Variants in ZNF44 observed in about 807,000 individuals in gnomAD.
ZNF44 encodes zinc finger protein 44, also known as gonadotropin inducible transcription repressor-2.
A neutral mutation model predicts 11.7 loss-of-function variants in ZNF44; 9 were observed. That is an observed-to-expected ratio of 0.77 (90% confidence interval 0.46 to 1.35). The LOEUF (loss-of-function observed/expected upper bound fraction) is 1.35. Ranked by LOEUF, ZNF44 falls within the 40% of genes most tolerant of loss-of-function variation. ZNF44 has a pLI of 0.00. For synonymous variants in ZNF44, 224 were observed against 242.7 expected, an observed-to-expected ratio of 0.92 and a Z score of 0.72; for missense variants, 696 against 743.1, an observed-to-expected ratio of 0.94 and a Z score of 0.74.
intron 1 of ZNF44, among the ~76,000 whole-genome samples, chr19:12,286,260 T>C (rs1239587564): frequency 6.6e-6 from 1 of 152,204 alleles, no homozygotes; most frequent in African/African-American, 2.4e-5. Flanking sequence ...TTTAGTGATA[T>C]CTTTTTGCAT....
intron 1 of ZNF44, among the ~76,000 whole-genome samples, chr19:12,285,416 C>T (rs1356833136): frequency 2.0e-5 from 3 of 152,000 alleles, no homozygotes; most frequent in Admixed American, 1.3e-4. Flanking sequence ...CCACCACGTC[C>T]GGATATTTTG....
downstream of ZNF44, among the ~76,000 whole-genome samples, chr19:12,245,791 T>C (rs1332232328): frequency 1.3e-5 from 2 of 152,170 alleles, no homozygotes; most frequent in Admixed American, 1.3e-4. Context: ...CTAGAATCTT[T>C]TTTTTTTCCA....
chr19:12,279,211 T>C (rs531632758), intron 1 of ZNF44, among the ~76,000 whole-genome samples: 20 of 152,236 alleles, frequency 1.3e-4, no homozygotes, highest in Admixed American at 3.9e-4. Flanking sequence ...TGCAAACTAA[T>C]TTGGAAATGT....
At chr19:12,250,223 G>A (rs1388310143) in intron 6 of ZNF44, 36 of 1,351,158 alleles carry the variant, frequency 2.7e-5, no homozygotes, top group Non-Finnish European at 3.4e-5. Context: ...ACAACATGAT[G>A]GAATGATTTC....
At chr19:12,264,497 A>G (rs957567586) in intron 5 of ZNF44, among the ~76,000 whole-genome samples, 12 of 152,108 alleles carry the variant, frequency 7.9e-5, no homozygotes, top group Admixed American at 2.6e-4. Flanking sequence ...AATCACTCAA[A>G]CCAAGTATTT....
chr19:12,284,414 C>T (rs528618786), intron 1 of ZNF44: 59 of 628,472 alleles, frequency 9.4e-5, no homozygotes, highest in South Asian at 2.4e-4. Context: ...GTGGCTTCCG[C>T]GGAGATTTCG....
intron 5 of ZNF44, among the ~76,000 whole-genome samples, chr19:12,257,126 A>C (rs1181291975): frequency 6.6e-6 from 1 of 152,218 alleles, no homozygotes; most frequent in Non-Finnish European, 1.5e-5. Flanking sequence ...TAGAAACCAG[A>C]TAAAGGTGGA....
At chr19:12,261,042 T>C (rs1354571805) in intron 5 of ZNF44, among the ~76,000 whole-genome samples, 1 of 152,176 alleles carries the variant, frequency 6.6e-6, no homozygotes, top group African/African-American at 2.4e-5. Context: ...ATTACTCCCA[T>C]GACTGACGTC....
chr19:12,247,380 C>T, downstream of ZNF44: 5 of 1,303,190 alleles, frequency 3.8e-6, no homozygotes, highest in Non-Finnish European at 5.0e-6. Context: ...AGTGTGCATT[C>T]TCATGTGCAC....
chr19:12,293,521 A>C, intron 1 of ZNF44: 1 of 711,914 alleles, frequency 1.4e-6, no homozygotes, highest in Non-Finnish European at 2.2e-6. Context: ...TCTTCCTCAC[A>C]TGTGAAATGT....
At position 12,273,344 on chromosome 19, in the gene ZNF44, G is replaced by T. The variant is rs1252270930; in HGVS notation, c.911C>A (p.Thr304Asn). The T allele has an allele frequency of 2.5e-6, 4 of 1,613,488 alleles. No homozygotes were observed. In the African/African-American group the frequency reaches 5.3e-5, roughly 22 times the overall value. The stretch of plus-strand genomic sequence containing the variant: ...TTTACATGTATAGGGTTTCTCTCCA[G>T]TGTGAATTCTTTCATGTACTCGAAG... ...GSLRVHERIH[T>N]GEKPYTCKQC... The change falls in exon 4 of 4, where the codon ACT (threonine) becomes AAT (asparagine). Residue 304 changes from threonine to asparagine, a missense_variant. Coordinates refer to ENST00000355684, the MANE Select transcript of ZNF44 (RefSeq NM_016264.4).
chr19:12,278,174 TA>T (rs1359683102), intron 1 of ZNF44, among the ~76,000 whole-genome samples: 5 of 152,220 alleles, frequency 3.3e-5, no homozygotes, highest in African/African-American at 1.2e-4. Flanking sequence ...GAAAACTGCT[TA>T]AGGCGTTCCT....
At chr19:12,235,266 G>T (rs1361666321) in intron 1 of ZNF44, among the ~76,000 whole-genome samples, 1 of 152,158 alleles carries the variant, frequency 6.6e-6, no homozygotes, top group African/African-American at 2.4e-5. Context: ...CTACTCGGGA[G>T]GCTGAGGCAG....
At chr19:12,279,576 AC>A (rs1454546426) in intron 1 of ZNF44, among the ~76,000 whole-genome samples, 2 of 148,660 alleles carry the variant, frequency 1.3e-5, no homozygotes, top group African/African-American at 2.5e-5. Context: ...AATCTGAGAA[AC>A]CTCAGACACT....
intron 1 of ZNF44, among the ~76,000 whole-genome samples, chr19:12,235,832 C>T (rs564837910): frequency 1.6e-3 from 239 of 152,264 alleles, no homozygotes; most frequent in African/African-American, 5.0e-3. Context: ...GGGTCAACCC[C>T]AGGAAGTTCT....
At chr19:12,245,634 A>G (rs1224620292), downstream of ZNF44, among the ~76,000 whole-genome samples, 2 of 152,208 alleles carry the variant, frequency 1.3e-5, no homozygotes, top group Non-Finnish European at 2.9e-5. Context: ...AACAGAATGA[A>G]GTGTTTACTA....
downstream of ZNF44, chr19:12,242,667 CAAAA>C (rs35818337): frequency 3.3e-5 from 3 of 91,918 alleles, no homozygotes; most frequent in Non-Finnish European, 4.0e-5. Flanking sequence ...CTTGTCTCTC[CAAAA>C]AAAAAAAAAA....
At chr19:12,278,853 C>A (rs149692944) in intron 1 of ZNF44, among the ~76,000 whole-genome samples, 1 of 152,090 alleles carries the variant, frequency 6.6e-6, no homozygotes, top group Non-Finnish European at 1.5e-5. Flanking sequence ...GAAAGCCCCA[C>A]GCAGGCACAG....
At chr19:12,257,798 CAAAAAAAA>C (rs1221289652) in intron 5 of ZNF44, among the ~76,000 whole-genome samples, 3 of 53,670 alleles carry the variant, frequency 5.6e-5, no homozygotes, top group African/African-American at 2.0e-4. Flanking sequence ...AACTCTGTCT[CAAAAAAAA>C]AAAAAAAAAA....
Sources: allele counts gnomAD v4.1 joint callset (sites outside exome capture counted in the v4.1 genomes callset), GRCh38; gene constraint gnomAD v4.1.1; transcripts MANE v1.5; gene names NCBI Gene and HGNC (gene_info 2026-07-23, HGNC 2026-07-21).